Variants in MICAL3 observed in about 807,000 individuals in gnomAD.
The protein encoded by MICAL3 is microtubule associated monooxygenase, calponin and LIM domain containing 3.
A neutral mutation model predicts 207.4 loss-of-function variants in MICAL3; 62 were observed. The observed-to-expected ratio is 0.30, with a 90% CI of 0.24 to 0.37. The LOEUF (loss-of-function observed/expected upper bound fraction) is 0.37, where lower values mean the gene tolerates loss of function less well. MICAL3 is among the 10% of genes least tolerant of loss of function. The pLI is 1.00. For synonymous variants in MICAL3, 1,077 were observed against 1,069.3 expected, an observed-to-expected ratio of 1.01 and a Z score of -0.14; for missense variants, 2,368 against 2,635.6, an observed-to-expected ratio of 0.90 and a Z score of 2.22.
intron 1 of MICAL3, among the ~76,000 whole-genome samples, chr22:18,010,276 G>A (rs546647127): frequency 2.7e-5 from 4 of 150,702 alleles, no homozygotes; most frequent in African/African-American, 7.3e-5. Context: ...CCTTCTCTTC[G>A]CTCCCATTTG....
chr22:17,929,568 C>CTTTTTTTT lies in MICAL3; in HGVS notation c.-74-22690_-74-22683dup, dbSNP rs67222681. ...ATTTTTCTTTCTTTCCTTTTCTTTT[C>CTTTTTTTT]TTTTTTTTTTTTTTTTTTTGACAGG... On this transcript the variant is annotated intron_variant, in intron 1 of 31. Coordinates refer to ENST00000441493, the MANE Select transcript of MICAL3 (RefSeq NM_015241.3). Among the ~76,000 whole-genome samples, 1,058 of 108,838 alleles carry CTTTTTTTT rather than the reference C, an allele frequency of 9.7e-3. 9 individuals carry two copies. The highest frequency in any genetic ancestry group is 0.014 in the Non-Finnish European group (779 of 56,870). The allele number at this position is 108,838 out of a possible 152,430, so 71.4% of individuals were successfully genotyped here. A position where few individuals can be genotyped will look rare whatever the true frequency, so the allele number is the denominator to read the frequency against.
chr22:17,869,052 G>T (rs372188123), intron 17 of MICAL3, among the ~76,000 whole-genome samples: 1 of 152,176 alleles, frequency 6.6e-6, no homozygotes, highest in African/African-American at 2.4e-5. Context: ...GAGACCAGGG[G>T]GTGTGCTCCA....
chr22:17,806,369 A>C (rs895910984), intron 29 of MICAL3, among the ~76,000 whole-genome samples: 3 of 150,040 alleles, frequency 2.0e-5, no homozygotes, highest in Non-Finnish European at 4.4e-5. Context: ...GTTTTTGTTT[A>C]CTTTGTTTGG....
chr22:17,827,921 G>A, intron 21 of MICAL3, 140 bp from the exon 22 acceptor site: 2 of 747,006 alleles, frequency 2.7e-6, no homozygotes, highest in East Asian at 2.7e-5. Flanking sequence ...TTAAGAACAT[G>A]TATGCACATG....
chr22:18,022,446 T>C (rs1021464576), intron 1 of MICAL3, among the ~76,000 whole-genome samples: 2 of 152,010 alleles, frequency 1.3e-5, no homozygotes, highest in African/African-American at 2.4e-5. Flanking sequence ...TTTTTTCTTT[T>C]GAGACAGAGT....
intron 7 of MICAL3, among the ~76,000 whole-genome samples, chr22:17,897,550 T>C (rs1036464950): frequency 6.6e-6 from 1 of 152,052 alleles, no homozygotes; most frequent in Non-Finnish European, 1.5e-5. Flanking sequence ...ACTTCTTTGA[T>C]CTTATCCAAT....
intron 1 of MICAL3, among the ~76,000 whole-genome samples, chr22:18,012,493 C>G (rs1368708798): frequency 1.3e-5 from 2 of 152,246 alleles, no homozygotes; most frequent in Admixed American, 1.3e-4. Context: ...GGCGGGGGGC[C>G]TGAAGTTCCA....
chr22:17,824,582 G>C (rs1921974996), intron 22 of MICAL3, among the ~76,000 whole-genome samples: 2 of 152,218 alleles, frequency 1.3e-5, no homozygotes, highest in African/African-American at 4.8e-5. Context: ...AGTGTTTGAA[G>C]AACTGTATGA....
chr22:18,022,962 C>T (rs531606442), intron 1 of MICAL3, among the ~76,000 whole-genome samples: 2 of 152,290 alleles, frequency 1.3e-5, no homozygotes, highest in South Asian at 2.1e-4. Context: ...GATGATCCCT[C>T]CCTCGTTTGA....
chr22:17,807,841 C>A (rs965423170), intron 29 of MICAL3, among the ~76,000 whole-genome samples: 7 of 152,232 alleles, frequency 4.6e-5, no homozygotes, highest in African/African-American at 1.4e-4. Context: ...GCCTGCCTGT[C>A]AGCAGAGGCA....
Position 17,887,361 on chromosome 22 carries a change from T to G in MICAL3, c.1966A>C (p.Lys656Gln). The change falls in exon 14 of 32, where the codon AAA becomes CAA. Residue 656 changes from lysine (K) to glutamine (Q), a missense_variant. Transcript: ENST00000441493. ...TTCCGAGAGATGGTCTGGCCAAGTT[T>G]GCTTAGGAAGGAGATAGGGGATCTG... ...STRSPISFLS[K>Q]LGQTISRKRS... 1 of 1,614,008 alleles carries G rather than the reference T, an allele frequency of 6.2e-7. No homozygotes were observed. The highest frequency in any genetic ancestry group is 8.5e-7 in the Non-Finnish European group (1 of 1,179,884).
In MICAL3 at chr22:17,841,771, G is replaced by A. The variant is rs1924035991; in HGVS notation, c.2801+51C>T. 5 of 1,520,612 alleles carry A rather than the reference G, an allele frequency of 3.3e-6. No individual in the cohort carries two copies. The highest frequency in any genetic ancestry group is 3.6e-6 in the Non-Finnish European group (4 of 1,125,442). 94.2% of individuals were successfully genotyped at this position (1,520,612 alleles called of 1,614,324 possible). On this transcript the variant is annotated intron_variant, in intron 20 of 31. Transcript: ENST00000441493. The surrounding 1 kb of genome is among the most constrained non-coding windows in gnomAD (Gnocchi z 4.2). The stretch of plus-strand genomic sequence containing the variant: ...AAACCGAGACACACAGAGGTGAGGA[G>A]GCTCTTAGGGCCGTGTGGCGGGTGG...
At position 17,827,671 on chromosome 22, in the gene MICAL3, G is replaced by A; in HGVS notation, c.3166C>T (p.Pro1056Ser). Residue 1056 changes from proline (P) to serine (S), a missense_variant, in exon 22 of 32, where the codon CCG becomes TCG. Physicochemically the swap from Pro to Ser is moderately conservative, Grantham distance 74 (BLOSUM62 -1). Coordinates refer to ENST00000441493, the MANE Select transcript of MICAL3 (RefSeq NM_015241.3). The stretch of plus-strand genomic sequence containing the variant: ...CCGGAAGCAGAGGACTCAGAGGCCG[G>A]CGCCATCCTCTCTTCCTCCTCTCTC... ...REREEEERMA[P>S]ASESSASGAP... 1 of 1,578,010 alleles carries A rather than the reference G, an allele frequency of 6.3e-7. No homozygotes were observed. The highest frequency in any genetic ancestry group is 8.6e-7 in the Non-Finnish European group (1 of 1,162,334).
intron 1 of MICAL3, among the ~76,000 whole-genome samples, chr22:17,984,540 C>T (rs532745659): frequency 4.0e-5 from 6 of 150,708 alleles, no homozygotes; most frequent in Admixed American, 2.6e-4. Flanking sequence ...ACCTCCCCCC[C>T]ACCCCCCACG....
chr22:17,967,383 A>G (rs5013012), intron 1 of MICAL3, among the ~76,000 whole-genome samples: 30,318 of 151,872 alleles, frequency 0.2, 3,176 homozygotes, highest in Middle Eastern at 0.27. Context: ...ACATATATTT[A>G]AGGCATTTAC....
At chr22:17,836,572 G>A (rs945040960) in intron 20 of MICAL3, among the ~76,000 whole-genome samples, 1 of 151,996 alleles carries the variant, frequency 6.6e-6, no homozygotes, top group African/African-American at 2.4e-5. Context: ...CCTGAGAAGT[G>A]CAGACCAGGA....
chr22:17,924,184 G>A (rs1932861616), intron 1 of MICAL3, among the ~76,000 whole-genome samples: 1 of 152,112 alleles, frequency 6.6e-6, no homozygotes. Context: ...ATTTGGGTGG[G>A]TACACAGCCA....
intron 22 of MICAL3, among the ~76,000 whole-genome samples, chr22:17,826,280 C>T (rs573189558): frequency 6.6e-6 from 1 of 152,112 alleles, no homozygotes; most frequent in Non-Finnish European, 1.5e-5. Flanking sequence ...GGGGGGTGTG[C>T]GTCTGATCCA....
Position 17,871,929 on chromosome 22 carries a change from G to A in MICAL3, c.2336C>T (p.Ala779Val). The A allele has an allele frequency of 2.5e-6, 4 of 1,611,074 alleles. No individual in the cohort carries two copies. Among genetic ancestry groups the A allele is most frequent in the Non-Finnish European group, 3.4e-6 (4 of 1,178,826 alleles). ...KRVYVMERLSAEGKFFHRSCF... is the reference protein window; with the variant it reads ...KRVYVMERLSVEGKFFHRSCF... ...GCTCCGGTGGAAGAACTTGCCCTCGGCACTCAGCCTCTCCATCACGTAGAC... is the reference window on the plus strand; with the variant it reads ...GCTCCGGTGGAAGAACTTGCCCTCGACACTCAGCCTCTCCATCACGTAGAC... Residue 779 changes from alanine (A) to valine (V), a missense_variant, in exon 17 of 32, where the codon GCC becomes GTC. Ala to Val is a moderately conservative substitution (Grantham distance 64). This residue lies in a region of MICAL3 where 1,770 missense variants were observed against 1,863.2 expected (regional missense o/e 0.95). Transcript: ENST00000441493.
Sources: gnomAD v4.1 joint callset for allele counts (sites outside exome capture counted in the v4.1 genomes callset) on GRCh38, gnomAD v4.1.1 for gene constraint, gnomAD v4.1.1 regional missense constraint, Gnocchi (gnomAD v3.1) non-coding constraint, MANE v1.5 for transcripts, NCBI Gene and HGNC (gene_info 2026-07-23, HGNC 2026-07-21) for gene names.